LDB2: variants seen among roughly 807,000 people sequenced by gnomAD.
The protein encoded by LDB2 is LIM domain-binding protein 2.
In LDB2, 12 loss-of-function variants were observed where a neutral mutation model predicts 44.3. The observed-to-expected ratio is 0.27, with a 90% confidence interval of 0.17 to 0.44. LDB2 has a LOEUF of 0.44. LDB2 is among the 20% of genes least tolerant of loss of function. LDB2 has a pLI of 1.00. For synonymous variants in LDB2, 164 were observed against 174.8 expected, an observed-to-expected ratio of 0.94 and a Z score of 0.49; for missense variants, 344 against 473.5, an observed-to-expected ratio of 0.73 and a Z score of 2.54.
At chr4:16,861,598 C>T (rs1712566996) in intron 1 of LDB2, among the ~76,000 whole-genome samples, 1 of 152,236 alleles carries the variant, frequency 6.6e-6, no homozygotes, top group Non-Finnish European at 1.5e-5. Flanking sequence ...ACCTTCTCGC[C>T]AGTCCCAGGC....
intron 6 of LDB2, among the ~76,000 whole-genome samples, chr4:16,510,325 G>T (rs557410936): frequency 2.6e-5 from 4 of 152,056 alleles, no homozygotes; most frequent in South Asian, 2.1e-4. Flanking sequence ...TCATCAAATG[G>T]TCTATCATTT....
intron 5 of LDB2, among the ~76,000 whole-genome samples, chr4:16,546,902 C>A (rs956054805): frequency 6.6e-6 from 1 of 152,180 alleles, no homozygotes; most frequent in Non-Finnish European, 1.5e-5. Context: ...TTGCCCCACT[C>A]TTCTGCTCTA....
At chr4:16,507,971 G>A (rs958544489) in intron 7 of LDB2, among the ~76,000 whole-genome samples, 3 of 152,212 alleles carry the variant, frequency 2.0e-5, no homozygotes, top group Non-Finnish European at 4.4e-5. Context: ...CCAAGGGTTC[G>A]AGAGAGTTGA....
rs770014900 is a variant in LDB2 at position 16,502,602 on chromosome 4, A to G, written c.*41T>C. The G allele has an allele frequency of 2.5e-6, 4 of 1,597,818 alleles. No homozygotes were observed. The South Asian group carries it at 3.3e-5, about 13-fold the overall frequency. ...GTAAAGATTTGCAATTGTAATGATC[A>G]CCCACGGGCCTATTGACAGTGGATT... is the stretch of plus-strand genomic sequence containing the variant. On this transcript the variant is annotated 3_prime_UTR_variant, in exon 8 of 8. Coordinates refer to ENST00000304523, the MANE Select transcript of LDB2 (RefSeq NM_001290.5).
intron 5 of LDB2, among the ~76,000 whole-genome samples, chr4:16,565,997 ACT>A (rs1389937972): frequency 4.0e-5 from 6 of 151,848 alleles, no homozygotes; most frequent in East Asian, 1.9e-4. Context: ...CACACAAGAA[ACT>A]CTCAAAATGT....
intron 7 of LDB2, chr4:16,506,031 G>C: frequency 1.3e-6 from 2 of 1,536,300 alleles, no homozygotes; most frequent in Non-Finnish European, 1.8e-6. Flanking sequence ...CCTAGCCCTC[G>C]CCAGACACAC....
intron 3 of LDB2, among the ~76,000 whole-genome samples, chr4:16,595,065 G>A (rs935315173): frequency 1.2e-4 from 19 of 152,102 alleles, no homozygotes; most frequent in African/African-American, 4.6e-4. Flanking sequence ...TATAGAAGAT[G>A]AGGTTAAATC....
At chr4:16,745,869 T>C (rs114554660) in intron 2 of LDB2, among the ~76,000 whole-genome samples, 4,262 of 149,702 alleles carry the variant, frequency 0.028, 223 homozygotes, top group African/African-American at 0.1. Flanking sequence ...TCCAAACAGG[T>C]CACGTTTAAA....
In LDB2 at chr4:16,530,449, G is replaced by A. The variant is rs548205023; in HGVS notation, c.616-18345C>T. Among the ~76,000 whole-genome samples the A allele has an allele frequency of 2.6e-5, 4 of 152,294 alleles. No individual in the cohort carries two copies. In the South Asian group the frequency reaches 8.3e-4, roughly 32 times the overall value. ...TGTTTTCCAATGCTGTTATGTATGG[G>A]CAAATATCAGTTTGCCCAGCAGCAG... is the stretch of plus-strand genomic sequence containing the variant. On this transcript the variant is annotated intron_variant, in intron 5 of 7. Transcript: ENST00000304523.
rs78475890 is a variant in LDB2 at position 16,732,594 on chromosome 4, A to G, written c.235+26564T>C. On this transcript the variant is annotated intron_variant, in intron 2 of 7. Coordinates refer to ENST00000304523, the MANE Select transcript of LDB2 (RefSeq NM_001290.5). ...ATAGTACAGATAGCCTGAAATTGCC[A>G]TGGCAAACTCATTACCATCCACAGC... 5.6e-4 allele frequency among the ~76,000 whole-genome samples: 86 copies of G among 152,358 alleles called. 2 individuals carry two copies. In the East Asian group the frequency reaches 0.012, roughly 21 times the overall value.
chr4:16,857,336 T>A (rs1561456622), intron 1 of LDB2, among the ~76,000 whole-genome samples: 1 of 152,204 alleles, frequency 6.6e-6, no homozygotes, highest in Non-Finnish European at 1.5e-5. Flanking sequence ...ACTACTCACA[T>A]CCAAGCCACC....
chr4:16,546,573 CACTT>C (rs1560431638), intron 5 of LDB2, among the ~76,000 whole-genome samples: 1 of 152,166 alleles, frequency 6.6e-6, no homozygotes, highest in Non-Finnish European at 1.5e-5. Flanking sequence ...TGCATACTGC[CACTT>C]ACAGCTTGCA....
At chr4:16,678,381 A>G (rs1289296335) in intron 2 of LDB2, among the ~76,000 whole-genome samples, 1 of 152,128 alleles carries the variant, frequency 6.6e-6, no homozygotes, top group Non-Finnish European at 1.5e-5. Context: ...GGACATACTG[A>G]TTTTGGAGTA....
At chr4:16,798,634 A>G (rs1192316375) in intron 1 of LDB2, among the ~76,000 whole-genome samples, 4 of 152,166 alleles carry the variant, frequency 2.6e-5, no homozygotes, top group Admixed American at 2.6e-4. Flanking sequence ...CATCTCCTAA[A>G]GGCCAGTAAC....
In LDB2 at chr4:16,544,759, G is replaced by A. The variant is rs143390006; in HGVS notation, c.616-32655C>T. Among the ~76,000 whole-genome samples, 218 of 152,278 alleles carry A rather than the reference G, an allele frequency of 1.4e-3. 3 individuals are homozygous for A. Among genetic ancestry groups the A allele is most frequent in the African/African-American group, 4.9e-3 (202 of 41,558 alleles). On this transcript the variant is annotated intron_variant, in intron 5 of 7. Coordinates refer to ENST00000304523, the MANE Select transcript of LDB2 (RefSeq NM_001290.5). The stretch of plus-strand genomic sequence containing the variant: ...GTTTAGTTCTGACCAAGATGAATTT[G>A]ACATGTCTGTTAGACTTCCAAGTGA...
intron 5 of LDB2, among the ~76,000 whole-genome samples, chr4:16,585,359 C>G (rs7669160): frequency 0.094 from 14,350 of 152,148 alleles, 760 homozygotes; most frequent in Non-Finnish European, 0.11. Flanking sequence ...GCTGATTCTG[C>G]CTCTTGTCAG....
intron 1 of LDB2, among the ~76,000 whole-genome samples, chr4:16,834,619 G>A (rs2110070682): frequency 6.6e-6 from 1 of 152,256 alleles, no homozygotes; most frequent in East Asian, 1.9e-4. Context: ...ACGAGTTCAG[G>A]AGTTCGAGAC....
Position 16,686,003 on chromosome 4 carries a change from G to A in LDB2, c.235+73155C>T, listed in dbSNP as rs544390335. ...GGAGGTGGAGGTTTCAGTGAGCTGA[G>A]ATCGTGCCACTGCACTCCAGCATGG... is the stretch of plus-strand genomic sequence containing the variant. On this transcript the variant is annotated intron_variant, in intron 2 of 7. Coordinates refer to ENST00000304523, the MANE Select transcript of LDB2 (RefSeq NM_001290.5). Among the ~76,000 whole-genome samples, 23 of 152,270 alleles carry A rather than the reference G, an allele frequency of 1.5e-4. 1 individual carries two copies. The highest frequency in any genetic ancestry group is 1.4e-3 in the Admixed American group (21 of 15,298).
chr4:16,693,819 C>T (rs1751458318), intron 2 of LDB2, among the ~76,000 whole-genome samples: 2 of 152,218 alleles, frequency 1.3e-5, no homozygotes, highest in Non-Finnish European at 2.9e-5. Context: ...TGTTCCAATG[C>T]TGACACTAGC....
Sources: allele counts gnomAD v4.1 joint callset (sites outside exome capture counted in the v4.1 genomes callset), GRCh38; gene constraint gnomAD v4.1.1; transcripts MANE v1.5; gene names NCBI Gene and HGNC (gene_info 2026-07-23, HGNC 2026-07-21).